The following VASP variants were observed in gnomAD, a reference collection of about 807,000 sequenced individuals.
VASP encodes vasodilator-stimulated phosphoprotein.
A neutral mutation model predicts 54.4 loss-of-function variants in VASP; 27 were observed. The observed-to-expected ratio is 0.50, with a 90% confidence interval of 0.37 to 0.68. VASP has a LOEUF of 0.68. Ranked by LOEUF, VASP falls within the 30% of genes least tolerant of loss-of-function variation. The pLI is 0.00. For synonymous variants in VASP, 233 were observed against 209.8 expected, an observed-to-expected ratio of 1.11 and a Z score of -0.96; for missense variants, 488 against 528.3, an observed-to-expected ratio of 0.92 and a Z score of 0.75.
At chr19:45,512,386 T>G (rs1968616911) in intron 1 of VASP, among the ~76,000 whole-genome samples, 2 of 149,726 alleles carry the variant, frequency 1.3e-5, no homozygotes, top group South Asian at 4.4e-4. Context: ...CCTCCCAGGT[T>G]CAAGCAATTC....
Position 45,526,252 on chromosome 19 carries a change from G to T in VASP, c.*75G>T. On this transcript the variant is annotated 3_prime_UTR_variant, in exon 13 of 13. Coordinates refer to ENST00000245932, the MANE Select transcript of VASP (RefSeq NM_003370.4). The stretch of plus-strand genomic sequence containing the variant: ...CACCCTGCTTTCCCTGCCTCTACTT[G>T]ACTTGGAATTGGCTGAAGACTACAC... 1 of 1,531,568 alleles carries T rather than the reference G, an allele frequency of 6.5e-7. No individual in the cohort carries two copies. The highest frequency in any genetic ancestry group is 1.2e-5 in the South Asian group (1 of 82,308). 94.9% of individuals were successfully genotyped at this position (1,531,568 alleles called of 1,614,324 possible). A position where few individuals can be genotyped will look rare whatever the true frequency, so the allele number is the denominator to read the frequency against.
chr19:45,525,875 T>A, intron 11 of VASP, 71 bp from the exon 12 acceptor site: 1 of 1,491,702 alleles, frequency 6.7e-7, no homozygotes, highest in Non-Finnish European at 9.2e-7. Context: ...TCTCAAAAAA[T>A]AAAAGAAGGG....
At chr19:45,523,559 G>T in intron 7 of VASP, 85 bp from the exon 8 acceptor site, 9 of 1,483,500 alleles carry the variant, frequency 6.1e-6, no homozygotes, top group Non-Finnish European at 8.3e-6. Flanking sequence ...AATTCTATGC[G>T]CTAGGATCTA....
At chr19:45,525,895 C>A (rs1340487939) in intron 11 of VASP, 51 bp from the exon 12 acceptor site, 3 of 1,551,940 alleles carry the variant, frequency 1.9e-6, no homozygotes, top group Non-Finnish European at 2.6e-6. Context: ...GGGATTCATT[C>A]CTGCAAGTCC....
Position 45,517,799 on chromosome 19 carries a change from C to T in VASP, c.142C>T (p.Arg48Cys), listed in dbSNP as rs1416879210. The change falls in exon 2 of 13, where the codon CGC (arginine) becomes TGC (cysteine). Residue 48 changes from arginine to cysteine, a missense_variant. This residue lies in a region of VASP where 127 missense variants were observed against 170.7 expected (regional missense o/e 0.74). Transcript: ENST00000245932. ...CCACAACCCCACGGCCAATTCCTTT[C>T]GCGTCGTGGGCCGGAAGATGCAGCC... ...IYHNPTANSFRVVGRKMQPDQ... is the reference protein window; with the variant it reads ...IYHNPTANSFCVVGRKMQPDQ... 3.1e-6 allele frequency: 5 copies of T among 1,613,736 alleles called. No individual in the cohort carries two copies. The highest frequency in any genetic ancestry group is 2.2e-5 in the East Asian group (1 of 44,904).
chr19:45,521,429 G>T (rs745809870), intron 4 of VASP, 23 bp downstream of exon 4: 8 of 1,521,830 alleles, frequency 5.3e-6, no homozygotes, highest in African/African-American at 1.4e-5. Flanking sequence ...CCTGGGTGGG[G>T]AACCTTAGCC....
At chr19:45,517,280 C>T (rs1446828884) in intron 1 of VASP, among the ~76,000 whole-genome samples, 2 of 152,004 alleles carry the variant, frequency 1.3e-5, no homozygotes, top group African/African-American at 4.8e-5. Context: ...GTGTGAGACA[C>T]CACGCCAAGA....
chr19:45,517,129 CTG>C (rs950977340), intron 1 of VASP, among the ~76,000 whole-genome samples: 1 of 150,924 alleles, frequency 6.6e-6, no homozygotes, highest in African/African-American at 2.4e-5. Flanking sequence ...GAGCAAGACT[CTG>C]TCTCAAAAAC....
intron 9 of VASP, 78 bp downstream of exon 9, chr19:45,523,955 A>T (rs1000913144): frequency 6.2e-7 from 1 of 1,610,048 alleles, no homozygotes; most frequent in African/African-American, 1.3e-5. Context: ...GCACCCTTAT[A>T]GGAGAGTCAG....
intron 3 of VASP, among the ~76,000 whole-genome samples, chr19:45,520,736 AGT>A (rs1399195638): frequency 6.6e-6 from 1 of 151,956 alleles, no homozygotes; most frequent in East Asian, 1.9e-4. Context: ...GGCTGAGGCA[AGT>A]GGATCACTTG....
intron 3 of VASP, among the ~76,000 whole-genome samples, chr19:45,520,634 C>T (rs1346809773): frequency 6.6e-6 from 1 of 152,176 alleles, no homozygotes; most frequent in Non-Finnish European, 1.5e-5. Flanking sequence ...TTTCCAGGTT[C>T]TTAGGTAAGG....
At position 45,521,410 on chromosome 19, in the gene VASP, G is replaced by T. The variant is rs1364370347; in HGVS notation, c.428+4G>T. Reference sequence around the variant, plus strand: ...AGGAGGTGGAGCAGCAGAAAAGGTGGGGCTGGGCCCTGGGTGGGGAACCTT... The same window carrying T: ...AGGAGGTGGAGCAGCAGAAAAGGTGTGGCTGGGCCCTGGGTGGGGAACCTT... On this transcript the variant is annotated splice_donor_region_variant and intron_variant, in intron 4 of 12. Coordinates refer to ENST00000245932, the MANE Select transcript of VASP (RefSeq NM_003370.4). 7.1e-6 allele frequency: 11 copies of T among 1,553,440 alleles called. No homozygotes were observed. The highest frequency in any genetic ancestry group is 9.6e-6 in the Non-Finnish European group (11 of 1,149,190).
intron 1 of VASP, among the ~76,000 whole-genome samples, chr19:45,512,181 C>T (rs1451869338): frequency 6.6e-6 from 1 of 152,152 alleles, no homozygotes. Flanking sequence ...TGTTTCTTCC[C>T]TCCCCAGTTC....
chr19:45,524,791 G>A, intron 11 of VASP, 131 bp downstream of exon 11: 1 of 897,026 alleles, frequency 1.1e-6, no homozygotes, highest in Non-Finnish European at 1.8e-6. Flanking sequence ...GGAGAAACTG[G>A]ATTGGGTCAA....
intron 7 of VASP, among the ~76,000 whole-genome samples, chr19:45,523,272 G>A (rs1345160527): frequency 4.6e-5 from 6 of 129,272 alleles, no homozygotes; most frequent in African/African-American, 1.8e-4. Context: ...GTATGATCTC[G>A]GTCCACTGCA....
At chr19:45,509,723 TC>T (rs1362902305) in intron 1 of VASP, among the ~76,000 whole-genome samples, 2 of 152,222 alleles carry the variant, frequency 1.3e-5, no homozygotes, top group Non-Finnish European at 2.9e-5. Flanking sequence ...ACACCCGACT[TC>T]CTGGGCTGTG....
chr19:45,517,855 C>T (rs1225726515), intron 2 of VASP, 21 bp downstream of exon 2: 2 of 1,610,780 alleles, frequency 1.2e-6, no homozygotes, highest in African/African-American at 1.3e-5. Context: ...CCGCCGGCCC[C>T]CTCTGTGGGC....
rs112095290 is a variant in VASP at position 45,516,983 on chromosome 19, C to CAAAAAAAA, written c.6-664_6-657dup. Among the ~76,000 whole-genome samples, 25 of 57,842 alleles carry CAAAAAAAA rather than the reference C, an allele frequency of 4.3e-4. 2 individuals carry two copies. The highest frequency in any genetic ancestry group is 7.4e-4 in the East Asian group (2 of 2,716). The allele number at this position is 57,842 out of a possible 152,430, so 37.9% of individuals were successfully genotyped here. On this transcript the variant is annotated intron_variant, in intron 1 of 12. Transcript: ENST00000245932. ...CGGGTGACAGAGTAAGACTCTGTCT[C>CAAAAAAAA]AAAAAAAAAAAAAAAAAAAAAAAGA...
chr19:45,512,434 C>T (rs1227136850), intron 1 of VASP, among the ~76,000 whole-genome samples: 6 of 151,610 alleles, frequency 4.0e-5, no homozygotes, highest in East Asian at 3.9e-4. Context: ...ATTACAGGCA[C>T]GCGCCACCAC....
Sources: allele counts gnomAD v4.1 joint callset (sites outside exome capture counted in the v4.1 genomes callset), GRCh38; gene constraint gnomAD v4.1.1; regional missense constraint gnomAD v4.1.1; transcripts MANE v1.5; gene names NCBI Gene and HGNC (gene_info 2026-07-23, HGNC 2026-07-21).